UBE4B: variants seen among roughly 807,000 people sequenced by gnomAD.
UBE4B encodes ubiquitination factor E4B, also known as ubiquitin conjugation factor E4 B.
In UBE4B, 27 loss-of-function variants were observed where a neutral mutation model predicts 148.1. That is an observed-to-expected ratio of 0.18 (90% CI 0.13 to 0.25). UBE4B has a LOEUF of 0.25. Ranked by LOEUF, UBE4B falls within the 10% of genes least tolerant of loss-of-function variation. UBE4B has a pLI of 1.00. For missense variants in UBE4B, 1,170 were observed against 1,662.4 expected (o/e 0.70, Z 5.15); for synonymous variants, 596 against 619.3 (o/e 0.96, Z 0.56).
At chr1:10,064,962 C>T (rs1436990855) in intron 1 of UBE4B, among the ~76,000 whole-genome samples, 1 of 152,056 alleles carries the variant, frequency 6.6e-6, no homozygotes, top group Non-Finnish European at 1.5e-5. Flanking sequence ...TGAGGTTTCA[C>T]CATGTTGACC....
At chr1:10,163,644 G>A (rs1354561698) in intron 23 of UBE4B, among the ~76,000 whole-genome samples, 1 of 151,742 alleles carries the variant, frequency 6.6e-6, no homozygotes, top group Non-Finnish European at 1.5e-5. Context: ...CTCCAGCCTG[G>A]GCGACAGAGT....
intron 1 of UBE4B, among the ~76,000 whole-genome samples, chr1:10,066,179 C>T (rs920965689): frequency 7.3e-5 from 11 of 151,678 alleles, no homozygotes; most frequent in East Asian, 1.9e-4. Context: ...TCTGACACCC[C>T]GGCTGGAGTG....
chr1:10,048,591 T>A (rs778615338), intron 1 of UBE4B, among the ~76,000 whole-genome samples: 6 of 152,130 alleles, frequency 3.9e-5, no homozygotes, highest in Non-Finnish European at 5.9e-5. Flanking sequence ...CTAGAGAGCA[T>A]GGAATCTGGT....
chr1:10,057,997 A>T (rs1172728118), intron 1 of UBE4B, among the ~76,000 whole-genome samples: 1 of 152,152 alleles, frequency 6.6e-6, no homozygotes, highest in Admixed American at 6.5e-5. Flanking sequence ...TCATGTCCAC[A>T]CAAGGACTCT....
At chr1:10,173,574 CAGAA>C (rs1646370517) in intron 25 of UBE4B, among the ~76,000 whole-genome samples, 1 of 151,756 alleles carries the variant, frequency 6.6e-6, no homozygotes, top group Admixed American at 6.6e-5. Context: ...GATTTAGAAA[CAGAA>C]AGCAAGTCAT....
At chr1:10,143,136 T>G (rs954467096) in intron 17 of UBE4B, among the ~76,000 whole-genome samples, 3 of 151,992 alleles carry the variant, frequency 2.0e-5, no homozygotes, top group African/African-American at 7.2e-5. Context: ...TGGGCACGTG[T>G]CTGACACCTG....
intron 10 of UBE4B, among the ~76,000 whole-genome samples, chr1:10,124,285 C>T (rs907982626): frequency 3.3e-5 from 5 of 152,154 alleles, no homozygotes; most frequent in East Asian, 1.9e-4. Context: ...CCTCAGCCTC[C>T]CAAGTAGCTG....
At chr1:10,175,471 G>GA (rs1193417172) in intron 25 of UBE4B, among the ~76,000 whole-genome samples, 70 of 149,634 alleles carry the variant, frequency 4.7e-4, no homozygotes, top group East Asian at 2.8e-3. Flanking sequence ...CTAACACGGT[G>GA]AAACCCCATC....
intron 9 of UBE4B, among the ~76,000 whole-genome samples, chr1:10,121,375 CA>C (rs201131968): frequency 6.6e-6 from 1 of 151,462 alleles, no homozygotes; most frequent in African/African-American, 2.4e-5. Flanking sequence ...CAAACAACAA[CA>C]AAAAAAACAT....
rs1473527019 is a variant in UBE4B at position 10,106,338 on chromosome 1, T to A, written c.951T>A (p.Ser317=). 1.2e-6 allele frequency: 2 copies of A among 1,614,030 alleles called. No homozygotes were observed. The highest frequency in any genetic ancestry group is 2.2e-5 in the South Asian group (2 of 91,084). ...CCCTCAGTCCTCACAGTGCAGCCTC[T>A]GGAACTGCTGCGGGAAGCCAGCCTT... is the stretch of plus-strand genomic sequence containing the variant. ...STPLSPHSAA[S]GTAAGSQPSS... is the part of the protein sequence containing the mutation. Residue 317 remains serine, a synonymous_variant, in exon 7 of 28, where the codon TCT becomes TCA. Coordinates refer to ENST00000343090, the MANE Select transcript of UBE4B (RefSeq NM_001105562.3). This position sits in a 1 kb window ranked among gnomAD's most constrained non-coding sequence, Gnocchi z 4.2.
intron 1 of UBE4B, among the ~76,000 whole-genome samples, chr1:10,050,750 G>A (rs555614542): frequency 6.7e-6 from 1 of 148,450 alleles, no homozygotes; most frequent in South Asian, 2.1e-4. Context: ...TAGAGGTGGA[G>A]TTTCACTATG....
rs1263339779 is a variant in UBE4B, at chr1:10,106,496, A to G, written c.1109A>G (p.Gln370Arg). Residue 370 changes from glutamine (Q) to arginine (R), a missense_variant, in exon 7 of 28, where the codon CAG becomes CGG. By Grantham distance (43) the Gln-to-Arg change is conservative. Around this residue, in one of 6 missense-constraint regions of UBE4B, gnomAD observed 214 missense variants for 209.1 expected, o/e 1.02. Coordinates refer to ENST00000343090, the MANE Select transcript of UBE4B (RefSeq NM_001105562.3). This position sits in a 1 kb window ranked among gnomAD's most constrained non-coding sequence, Gnocchi z 4.2. ...GCAGTGCCCGCCAGCAGTTCCAGAC[A>G]GAGGCCCAGCAGCACGGGTCCACCC... ...PQAVPASSSR[Q>R]RPSSTGPPLP... The G allele has an allele frequency of 6.2e-7, 1 of 1,613,288 alleles. No individual in the cohort carries two copies. The highest frequency in any genetic ancestry group is 2.2e-5 in the East Asian group (1 of 44,890).
intron 18 of UBE4B, 95 bp from the exon 19 acceptor site, chr1:10,146,868 A>G (rs1645881294): frequency 6.7e-7 from 1 of 1,498,920 alleles, no homozygotes; most frequent in South Asian, 1.3e-5. Flanking sequence ...CTGGAACCCA[A>G]ATTTCCCATC....
chr1:10,117,209 C>T (rs916243278), intron 7 of UBE4B, among the ~76,000 whole-genome samples: 7 of 152,120 alleles, frequency 4.6e-5, no homozygotes, highest in Admixed American at 3.9e-4. Flanking sequence ...GTTCTTAGTG[C>T]TTCTGGTTTT....
intron 23 of UBE4B, among the ~76,000 whole-genome samples, chr1:10,164,816 C>T (rs1481340214): frequency 3.3e-5 from 5 of 152,128 alleles, no homozygotes; most frequent in African/African-American, 1.2e-4. Flanking sequence ...CTCATGCTCT[C>T]TAGGTTAGTG....
At chr1:10,139,539 G>T (rs1048559747) in intron 17 of UBE4B, among the ~76,000 whole-genome samples, 2 of 152,156 alleles carry the variant, frequency 1.3e-5, no homozygotes, top group African/African-American at 4.8e-5. Flanking sequence ...AGAGTTTTCT[G>T]TGTGGGGATG....
intron 1 of UBE4B, chr1:10,059,468 G>C: frequency 4.7e-6 from 1 of 213,578 alleles, no homozygotes; most frequent in Admixed American, 4.3e-5. Context: ...AGCTTTTCTG[G>C]CACAGTCGAG....
intron 7 of UBE4B, among the ~76,000 whole-genome samples, chr1:10,109,960 A>C (rs370623276): frequency 2.6e-4 from 39 of 152,092 alleles, no homozygotes; most frequent in African/African-American, 8.9e-4. Context: ...CGGCCTCCCA[A>C]ATTGCTGGGA....
chr1:10,053,879 G>C (rs1047900031), intron 1 of UBE4B, among the ~76,000 whole-genome samples: 1 of 152,002 alleles, frequency 6.6e-6, no homozygotes, highest in Non-Finnish European at 1.5e-5. Flanking sequence ...TGTAGACAAG[G>C]CCTCGCTATG....
Sources: gnomAD v4.1 joint callset for allele counts (sites outside exome capture counted in the v4.1 genomes callset) on GRCh38, gnomAD v4.1.1 for gene constraint, gnomAD v4.1.1 regional missense constraint, Gnocchi (gnomAD v3.1) non-coding constraint, MANE v1.5 for transcripts, NCBI Gene and HGNC (gene_info 2026-07-23, HGNC 2026-07-21) for gene names.